SV2C: variants seen among roughly 807,000 people sequenced by gnomAD.
SV2C encodes synaptic vesicle glycoprotein 2C, also known as solute carrier family 22 member B3.
Under a neutral mutation model 79.7 loss-of-function variants are expected in SV2C, and 49 were observed. That is an observed-to-expected ratio of 0.61 (90% CI 0.49 to 0.78). The LOEUF is 0.78. Among genes scored for constraint, SV2C ranks in the 30% least tolerant of loss-of-function variants. SV2C has a pLI of 0.00. For missense variants in SV2C, 833 were observed against 912.9 expected, an observed-to-expected ratio of 0.91 and a Z score of 1.13; for synonymous variants, 334 against 333.2, an observed-to-expected ratio of 1.00 and a Z score of -0.03.
At chr5:76,343,978 G>A (rs182486588) in intron 12 of SV2C, among the ~76,000 whole-genome samples, 4 of 152,186 alleles carry the variant, frequency 2.6e-5, no homozygotes, top group East Asian at 1.9e-4. Flanking sequence ...CGGTGATCAC[G>A]TCACTGCACT....
At chr5:76,032,468 A>G in the SV2C span, among the ~76,000 whole-genome samples, 8 of 152,090 alleles carry the variant, frequency 5.3e-5, no homozygotes, top group Admixed American at 1.3e-4. Context: ...TCATTGTTCA[A>G]TTCCCACCTA....
the SV2C span, among the ~76,000 whole-genome samples, chr5:75,862,137 C>T: frequency 6.6e-6 from 1 of 152,340 alleles, no homozygotes; most frequent in East Asian, 1.9e-4. Context: ...AACCTACTTA[C>T]ATCTAAAATT....
chr5:75,867,251 G>A, the SV2C span, among the ~76,000 whole-genome samples: 72 of 152,236 alleles, frequency 4.7e-4, no homozygotes, highest in African/African-American at 1.6e-3. Context: ...TAGAACACAC[G>A]GACCTATCAA....
the SV2C span, among the ~76,000 whole-genome samples, chr5:75,960,866 G>T: frequency 3.3e-5 from 5 of 151,860 alleles, no homozygotes; most frequent in African/African-American, 1.2e-4. Context: ...GATATACAAA[G>T]GTGAATAGGA....
At chr5:75,864,277 A>G in the SV2C span, among the ~76,000 whole-genome samples, 12 of 152,146 alleles carry the variant, frequency 7.9e-5, no homozygotes, top group South Asian at 1.9e-3. Context: ...AATAAGTTCT[A>G]TGCTTTTCCA....
At chr5:76,047,012 AT>A in the SV2C span, among the ~76,000 whole-genome samples, 1 of 152,066 alleles carries the variant, frequency 6.6e-6, no homozygotes, top group Non-Finnish European at 1.5e-5. Flanking sequence ...TGTGAATTGA[AT>A]TTTTTCCATT....
At chr5:76,014,575 G>A in the SV2C span, among the ~76,000 whole-genome samples, 2 of 152,104 alleles carry the variant, frequency 1.3e-5, no homozygotes, top group Non-Finnish European at 2.9e-5. Context: ...ATTAAGATGA[G>A]GCAGACTAAA....
the SV2C span, among the ~76,000 whole-genome samples, chr5:76,031,222 C>G: frequency 6.6e-6 from 1 of 152,234 alleles, no homozygotes; most frequent in Non-Finnish European, 1.5e-5. Flanking sequence ...GCTTCTGACT[C>G]TCATTACAGC....
At chr5:76,199,023 A>G (rs1387668019) in intron 3 of SV2C, among the ~76,000 whole-genome samples, 1 of 152,210 alleles carries the variant, frequency 6.6e-6, no homozygotes, top group Non-Finnish European at 1.5e-5. Context: ...CAATAATAAC[A>G]TTGGAATAAG....
At chr5:76,116,028 C>A (rs1748252278) in intron 1 of SV2C, among the ~76,000 whole-genome samples, 1 of 152,246 alleles carries the variant, frequency 6.6e-6, no homozygotes, top group Admixed American at 6.5e-5. Flanking sequence ...TCTGCTCAGT[C>A]TCCTACCTTG....
intron 3 of SV2C, among the ~76,000 whole-genome samples, chr5:76,195,478 T>C (rs1744243972): frequency 6.6e-6 from 1 of 152,230 alleles, no homozygotes; most frequent in Non-Finnish European, 1.5e-5. Flanking sequence ...AAGCATGCTC[T>C]TAAATTCAGG....
At chr5:76,036,146 G>A in the SV2C span, among the ~76,000 whole-genome samples, 2,713 of 151,650 alleles carry the variant, frequency 0.018, 40 homozygotes, top group South Asian at 0.049. Flanking sequence ...GTCTCTGCCC[G>A]TGAGATGGGT....
intron 4 of SV2C, among the ~76,000 whole-genome samples, chr5:76,244,002 T>C (rs187979012): frequency 3.9e-5 from 6 of 152,344 alleles, no homozygotes; most frequent in Admixed American, 2.6e-4. Flanking sequence ...CAGTTCTCTG[T>C]GGCTTGGAGA....
Position 76,083,809 on chromosome 5 carries a change from G to A in SV2C, c.-102+297G>A, listed in dbSNP as rs62362230. 4.6e-3 allele frequency: 700 copies of A among 152,632 alleles called. 6 individuals carry two copies. The highest frequency in any genetic ancestry group is 4.5e-3 in the Non-Finnish European group (308 of 68,278). 9.5% of individuals were successfully genotyped at this position (152,632 alleles called of 1,614,324 possible). Reference sequence around the variant, plus strand: ...TATCTGGGATTCCCAGAGGAGGTGGGTGGGCAGCAGCGGGGATGCAGGGGC... The same window carrying A: ...TATCTGGGATTCCCAGAGGAGGTGGATGGGCAGCAGCGGGGATGCAGGGGC... On this transcript the variant is annotated intron_variant, in intron 1 of 12. Coordinates refer to ENST00000502798, the MANE Select transcript of SV2C (RefSeq NM_014979.4).
In SV2C at chr5:76,173,032, A is replaced by G. The variant is rs867711452; in HGVS notation, c.581-21887A>G. On this transcript the variant is annotated intron_variant, in intron 2 of 12. Coordinates refer to ENST00000502798, the MANE Select transcript of SV2C (RefSeq NM_014979.4). ...AATCCCCCTCTGTGAGAAACACCCA[A>G]GAATTATCAATAAAAAAATAAATTA... Among the ~76,000 whole-genome samples the G allele has an allele frequency of 3.8e-4, 48 of 126,062 alleles. 5 individuals carry two copies. Among genetic ancestry groups the G allele is most frequent in the Admixed American group, 1.4e-3 (18 of 12,534 alleles). The allele number at this position is 126,062 out of a possible 152,430, so 82.7% of individuals were successfully genotyped here. A position where few individuals can be genotyped will look rare whatever the true frequency, so the allele number is the denominator to read the frequency against.
chr5:76,080,426 G>A (rs73130210), upstream of SV2C, among the ~76,000 whole-genome samples: 2,015 of 152,176 alleles, frequency 0.013, 47 homozygotes, highest in African/African-American at 0.046. Flanking sequence ...GTGTAACTCT[G>A]ACTTTCCAGA....
At chr5:75,976,744 A>G in the SV2C span, among the ~76,000 whole-genome samples, 1 of 152,256 alleles carries the variant, frequency 6.6e-6, no homozygotes, top group Non-Finnish European at 1.5e-5. Context: ...AATATAGCTT[A>G]TCAATAACTT....
At position 76,285,869 on chromosome 5, in the gene SV2C, C is replaced by T. The variant is rs765348729; in HGVS notation, c.1136C>T (p.Thr379Met). The T allele has an allele frequency of 3.3e-5, 54 of 1,613,166 alleles. No individual in the cohort carries two copies. In the East Asian group the frequency reaches 6.5e-4, roughly 19 times the overall value. The change falls in exon 6 of 13, where the codon ACG becomes ATG. Residue 379 changes from threonine to methionine, a missense_variant and splice_region_variant. Coordinates refer to ENST00000502798, the MANE Select transcript of SV2C (RefSeq NM_014979.4). Reference sequence around the variant, plus strand: ...CGGGGTCAGCCTGAGAAGGTCTTCACGGTGAGTCTTCTCCCCAGAGAATCC... The same window carrying T: ...CGGGGTCAGCCTGAGAAGGTCTTCATGGTGAGTCTTCTCCCCAGAGAATCC... ...RARGQPEKVF[T>M]VNKIKTPKQI... is the part of the protein sequence containing the mutation.
At chr5:76,080,830 G>A (rs567632577), upstream of SV2C, among the ~76,000 whole-genome samples, 2 of 152,282 alleles carry the variant, frequency 1.3e-5, no homozygotes, top group South Asian at 2.1e-4. Context: ...GTTTTCAGAA[G>A]AGAGAAAACA....
Sources: allele counts gnomAD v4.1 joint callset (sites outside exome capture counted in the v4.1 genomes callset), GRCh38; gene constraint gnomAD v4.1.1; transcripts MANE v1.5; gene names NCBI Gene and HGNC (gene_info 2026-07-23, HGNC 2026-07-21).